The following PLCZ1 variants were observed in gnomAD, a reference collection of about 807,000 sequenced individuals.
The protein encoded by PLCZ1 is phospholipase C zeta 1, also known as 1-phosphatidylinositol 4,5-bisphosphate phosphodiesterase zeta-1.
Under a neutral mutation model 76.8 loss-of-function variants are expected in PLCZ1, and 64 were observed. The observed-to-expected ratio is 0.83, with a 90% CI of 0.68 to 1.03. PLCZ1 has a LOEUF of 1.03. Among genes scored for constraint, PLCZ1 ranks in the 50% least tolerant of loss-of-function variants. The pLI is 0.00. For missense variants in PLCZ1, 751 were observed against 713.7 expected (o/e 1.05, Z -0.60); for synonymous variants, 248 against 230.8 (o/e 1.07, Z -0.68).
chr12:18,649,192 T>C, the PLCZ1 span, among the ~76,000 whole-genome samples: 2 of 152,120 alleles, frequency 1.3e-5, no homozygotes, highest in Non-Finnish European at 2.9e-5. Context: ...TCCTCACTCT[T>C]GGCTGATGGC....
chr12:18,718,811 T>C (rs1958255961), intron 5 of PLCZ1, among the ~76,000 whole-genome samples: 2 of 152,202 alleles, frequency 1.3e-5, no homozygotes, highest in Admixed American at 1.3e-4. Context: ...CACAGATAAA[T>C]GTAGCAGCTT....
At chr12:18,684,887 T>G (rs577141556) in intron 13 of PLCZ1, among the ~76,000 whole-genome samples, 7 of 152,024 alleles carry the variant, frequency 4.6e-5, no homozygotes, top group African/African-American at 1.7e-4. Context: ...ACTCATGAGA[T>G]CTGATGGTTT....
At chr12:18,683,420 A>G (rs1465602971) in intron 14 of PLCZ1, 96 bp from the exon 15 acceptor site, 2 of 1,456,622 alleles carry the variant, frequency 1.4e-6, no homozygotes, top group African/African-American at 2.8e-5. Context: ...TACTAAGCCT[A>G]CATTAAAAAC....
chr12:18,697,978 CA>C (rs1274567409), intron 10 of PLCZ1, among the ~76,000 whole-genome samples: 1 of 151,652 alleles, frequency 6.6e-6, no homozygotes, highest in Non-Finnish European at 1.5e-5. Context: ...AATTCCTTTC[CA>C]AAATTTTTGC....
chr12:18,707,564 G>A (rs1444862905), intron 6 of PLCZ1, among the ~76,000 whole-genome samples: 1 of 152,060 alleles, frequency 6.6e-6, no homozygotes, highest in Non-Finnish European at 1.5e-5. Context: ...CTGTTTTAAG[G>A]CTCACCTAAG....
At chr12:18,653,726 G>T in the PLCZ1 span, among the ~76,000 whole-genome samples, 20 of 152,232 alleles carry the variant, frequency 1.3e-4, no homozygotes, top group Middle Eastern at 3.4e-3. Flanking sequence ...ATAATTAAAG[G>T]AAAGACACTC....
At chr12:18,704,041 A>C (rs1956270437) in intron 7 of PLCZ1, among the ~76,000 whole-genome samples, 2 of 152,218 alleles carry the variant, frequency 1.3e-5, no homozygotes, top group South Asian at 2.1e-4. Context: ...GGCCCAGCAA[A>C]GGAAACTAAG....
intron 3 of PLCZ1, among the ~76,000 whole-genome samples, chr12:18,733,493 C>T (rs1408210281): frequency 6.6e-6 from 1 of 151,966 alleles, no homozygotes; most frequent in Non-Finnish European, 1.5e-5. Context: ...GTTTTTGTTA[C>T]CTGTCTTTGT....
At chr12:18,729,157 C>T (rs568456172) in intron 3 of PLCZ1, among the ~76,000 whole-genome samples, 2 of 152,168 alleles carry the variant, frequency 1.3e-5, no homozygotes, top group African/African-American at 4.8e-5. Flanking sequence ...TTCAAGGTTT[C>T]CATCATCTGG....
At chr12:18,737,601 GT>G in intron 1 of PLCZ1, 92 bp from the exon 2 acceptor site, 2 of 657,756 alleles carry the variant, frequency 3.0e-6, no homozygotes, top group Non-Finnish European at 2.8e-6. Context: ...TATGCAAGAT[GT>G]GGTACCTGCA....
At chr12:18,685,819 ATCTC>A (rs144794811) in intron 13 of PLCZ1, among the ~76,000 whole-genome samples, 1,986 of 141,956 alleles carry the variant, frequency 0.014, 54 homozygotes, top group African/African-American at 0.052. Flanking sequence ...CTCCTCCTGT[ATCTC>A]TCTCTGTCAC....
At chr12:18,693,461 G>A in intron 12 of PLCZ1, 1 of 1,606,226 alleles carries the variant, frequency 6.2e-7, no homozygotes, top group East Asian at 2.2e-5. Flanking sequence ...TGGTCCACCT[G>A]GCACAGGTAA....
At chr12:18,727,185 A>G (rs557153901) in intron 3 of PLCZ1, among the ~76,000 whole-genome samples, 3 of 128,480 alleles carry the variant, frequency 2.3e-5, no homozygotes, top group South Asian at 4.8e-4. Flanking sequence ...CTCTAAATGT[A>G]AAAAAAAAAA....
chr12:18,706,193 T>C (rs566135317), intron 6 of PLCZ1, among the ~76,000 whole-genome samples: 4 of 150,894 alleles, frequency 2.7e-5, no homozygotes, highest in Non-Finnish European at 5.9e-5. Context: ...GATTGCACCA[T>C]TGCACTCCAG....
the PLCZ1 span, among the ~76,000 whole-genome samples, chr12:18,677,979 G>C: frequency 1.3e-5 from 2 of 152,062 alleles, no homozygotes; most frequent in Non-Finnish European, 2.9e-5. Context: ...AATCAAGAGA[G>C]TATGTCAATT....
intron 3 of PLCZ1, among the ~76,000 whole-genome samples, chr12:18,734,985 A>C (rs905565161): frequency 6.6e-6 from 1 of 152,140 alleles, no homozygotes. Flanking sequence ...ATTTTGTCAC[A>C]TGCTTTTTCT....
At chr12:18,695,106 G>A in intron 11 of PLCZ1, 27 bp from the exon 12 acceptor site, 8 of 1,596,762 alleles carry the variant, frequency 5.0e-6, no homozygotes, top group Non-Finnish European at 6.9e-6. Context: ...TTTTGACATT[G>A]TCAGGTAATA....
chr12:18,651,627 A>G, the PLCZ1 span, among the ~76,000 whole-genome samples: 1 of 152,088 alleles, frequency 6.6e-6, no homozygotes, highest in Non-Finnish European at 1.5e-5. Context: ...CCCTCATTCT[A>G]GACCACAGTC....
the PLCZ1 span, among the ~76,000 whole-genome samples, chr12:18,648,871 A>T: frequency 3.4e-4 from 51 of 152,208 alleles, no homozygotes; most frequent in African/African-American, 1.2e-3. Flanking sequence ...AATCAAAAAA[A>T]TTTTTTAATC....
Sources: gnomAD v4.1 joint callset for allele counts (sites outside exome capture counted in the v4.1 genomes callset) on GRCh38, gnomAD v4.1.1 for gene constraint, MANE v1.5 for transcripts, NCBI Gene and HGNC (gene_info 2026-07-23, HGNC 2026-07-21) for gene names.